The following GABBR2 variants were observed in gnomAD, a reference collection of about 807,000 sequenced individuals.
The protein encoded by GABBR2 is gamma-aminobutyric acid type B receptor subunit 2, also known as G-protein coupled receptor 51.
Under a neutral mutation model 105.6 loss-of-function variants are expected in GABBR2, and 23 were observed. The observed-to-expected ratio is 0.22, with a 90% CI of 0.16 to 0.31. GABBR2 has a LOEUF of 0.31. Ranked by LOEUF, GABBR2 falls within the 10% of genes least tolerant of loss-of-function variation. The pLI, the probability that GABBR2 is intolerant of heterozygous loss-of-function variation, is 1.00. For synonymous variants in GABBR2, 478 were observed against 499.7 expected (o/e 0.96, Z 0.58); for missense variants, 734 against 1,245.5 (o/e 0.59, Z 6.18).
chr9:98,521,491 G>A (rs1005292535), intron 3 of GABBR2, among the ~76,000 whole-genome samples: 2 of 152,254 alleles, frequency 1.3e-5, no homozygotes, highest in African/African-American at 2.4e-5. Flanking sequence ...TTAGATCTAC[G>A]AACAAGCAAA....
At chr9:98,556,220 A>C (rs1384175705) in intron 2 of GABBR2, among the ~76,000 whole-genome samples, 1 of 152,058 alleles carries the variant, frequency 6.6e-6, no homozygotes, top group African/African-American at 2.4e-5. Flanking sequence ...GAATCACTCA[A>C]CCAGACAGGC....
chr9:98,599,718 G>A (rs1361289799), intron 1 of GABBR2, among the ~76,000 whole-genome samples: 1 of 152,218 alleles, frequency 6.6e-6, no homozygotes, highest in Non-Finnish European at 1.5e-5. Flanking sequence ...AGGAGGCTTA[G>A]GTGTAAACTC....
At chr9:98,599,857 T>C (rs1588245616) in intron 1 of GABBR2, among the ~76,000 whole-genome samples, 1 of 151,886 alleles carries the variant, frequency 6.6e-6, no homozygotes, top group African/African-American at 2.4e-5. Flanking sequence ...GAGATGGGGG[T>C]GGGTACAAGG....
chr9:98,669,142 G>C (rs1227894850), intron 1 of GABBR2, among the ~76,000 whole-genome samples: 1 of 152,156 alleles, frequency 6.6e-6, no homozygotes, highest in Non-Finnish European at 1.5e-5. Context: ...CATGGTGGCT[G>C]TACCATTTTA....
At chr9:98,676,298 G>C (rs1346840649) in intron 1 of GABBR2, among the ~76,000 whole-genome samples, 1 of 152,214 alleles carries the variant, frequency 6.6e-6, no homozygotes, top group Non-Finnish European at 1.5e-5. Flanking sequence ...GAAGGAATCA[G>C]TCCTGACAAG....
chr9:98,290,808 T>G (rs1830292126), intron 18 of GABBR2, 59 bp from the exon 19 acceptor site: 3 of 1,249,308 alleles, frequency 2.4e-6, no homozygotes, highest in Non-Finnish European at 3.2e-6. Flanking sequence ...TACCAGAAAG[T>G]TCCTTGGACT....
intron 7 of GABBR2, among the ~76,000 whole-genome samples, chr9:98,409,403 T>C (rs1417682755): frequency 1.3e-5 from 2 of 152,086 alleles, no homozygotes; most frequent in Non-Finnish European, 2.9e-5. Flanking sequence ...TGTGAGAAGA[T>C]GGTGGTTTCA....
chr9:98,385,866 T>C, intron 10 of GABBR2, 94 bp from the exon 11 acceptor site: 1 of 1,000,916 alleles, frequency 1.0e-6, no homozygotes, highest in Non-Finnish European at 1.5e-6. Context: ...ATATATATTG[T>C]TGCTCAGGCT....
chr9:98,688,197 A>G (rs1289759030), intron 1 of GABBR2, among the ~76,000 whole-genome samples: 2 of 152,112 alleles, frequency 1.3e-5, no homozygotes, highest in African/African-American at 2.4e-5. Flanking sequence ...CAAGTGTCCA[A>G]TGATGCAGTG....
chr9:98,610,498 A>G (rs1414330216), intron 1 of GABBR2, among the ~76,000 whole-genome samples: 2 of 152,218 alleles, frequency 1.3e-5, no homozygotes, highest in Non-Finnish European at 2.9e-5. Context: ...CATGGCAAAA[A>G]TGTGATTTAG....
intron 1 of GABBR2, among the ~76,000 whole-genome samples, chr9:98,648,081 G>GTA (rs1554723463): frequency 0.022 from 622 of 28,058 alleles, 2 homozygotes; most frequent in African/African-American, 0.06. Flanking sequence ...ATCATACAGG[G>GTA]TGTGTGTGTG....
chr9:98,529,771 A>G (rs530843306), intron 3 of GABBR2, among the ~76,000 whole-genome samples: 16 of 152,252 alleles, frequency 1.1e-4, no homozygotes, highest in African/African-American at 2.6e-4. Context: ...GCTCCTCCCA[A>G]TTGGCCCTCA....
At chr9:98,539,596 G>A (rs1828250205) in intron 3 of GABBR2, among the ~76,000 whole-genome samples, 1 of 152,090 alleles carries the variant, frequency 6.6e-6, no homozygotes, top group African/African-American at 2.4e-5. Context: ...GGGTCCTTCA[G>A]GCTCTGACAG....
At chr9:98,629,803 C>T (rs1404364794) in intron 1 of GABBR2, among the ~76,000 whole-genome samples, 4 of 152,154 alleles carry the variant, frequency 2.6e-5, no homozygotes, top group African/African-American at 9.7e-5. Context: ...GCAAAGGTCA[C>T]TGAAGTTATT....
At chr9:98,539,272 G>GA (rs2131737635) in intron 3 of GABBR2, among the ~76,000 whole-genome samples, 1 of 152,316 alleles carries the variant, frequency 6.6e-6, no homozygotes, top group Admixed American at 6.5e-5. Flanking sequence ...GAGTTTTTGG[G>GA]AATCTATAAG....
intron 12 of GABBR2, among the ~76,000 whole-genome samples, chr9:98,366,022 C>A (rs1831670404): frequency 6.6e-6 from 1 of 152,192 alleles, no homozygotes; most frequent in African/African-American, 2.4e-5. Flanking sequence ...CAGATGAGAG[C>A]AAAGGCACCC....
intron 3 of GABBR2, among the ~76,000 whole-genome samples, chr9:98,508,643 C>T (rs112279905): frequency 1.1e-4 from 16 of 152,312 alleles, no homozygotes; most frequent in African/African-American, 3.4e-4. Context: ...GAGGGTCCTA[C>T]GCCCATGAAG....
At chr9:98,398,779 G>A (rs1484731164) in intron 8 of GABBR2, among the ~76,000 whole-genome samples, 1 of 152,184 alleles carries the variant, frequency 6.6e-6, no homozygotes, top group East Asian at 1.9e-4. Flanking sequence ...ATAGAACAGA[G>A]ACAGACTTTG....
At chr9:98,523,868 T>G (rs1279304569) in intron 3 of GABBR2, among the ~76,000 whole-genome samples, 1 of 152,156 alleles carries the variant, frequency 6.6e-6, no homozygotes, top group Non-Finnish European at 1.5e-5. Flanking sequence ...AGGTTTAATT[T>G]CATTTGAAAA....
Sources: allele counts gnomAD v4.1 joint callset (sites outside exome capture counted in the v4.1 genomes callset), GRCh38; gene constraint gnomAD v4.1.1; transcripts MANE v1.5; gene names NCBI Gene and HGNC (gene_info 2026-07-23, HGNC 2026-07-21).